Variants in WDR72 observed in about 807,000 individuals in gnomAD.
WDR72 encodes WD repeat domain 72, also known as WD repeat-containing protein 72.
In WDR72, 120 loss-of-function variants were observed where a neutral mutation model predicts 124.2. The ratio of observed to expected loss-of-function variants is 0.97; its 90% confidence interval spans 0.83 to 1.12. The LOEUF (loss-of-function observed/expected upper bound fraction) is 1.12. Among genes scored for constraint, WDR72 ranks in the 50% most tolerant of loss-of-function variants. The pLI is 0.00. For synonymous variants in WDR72, 452 were observed against 441.7 expected, an observed-to-expected ratio of 1.02 and a Z score of -0.29; for missense variants, 1,387 against 1,278.8, an observed-to-expected ratio of 1.08 and a Z score of -1.29.
At chr15:53,680,820 G>A (rs957302551) in intron 13 of WDR72, among the ~76,000 whole-genome samples, 1 of 152,172 alleles carries the variant, frequency 6.6e-6, no homozygotes, top group African/African-American at 2.4e-5. Flanking sequence ...CTCAGCATAT[G>A]GGTCTCAGTG....
Position 53,517,806 on chromosome 15 carries a change from A to AAAAG in WDR72, c.3254-56_3254-53dup, listed in dbSNP as rs773965730. The AAAAG allele has an allele frequency of 2.7e-5, 43 of 1,580,786 alleles. No homozygotes were observed. The South Asian group carries it at 3.9e-4, about 14-fold the overall frequency. ...TATATGGTGAAATCTAAAAAGAGAA[A>AAAAG]AAAGAGAAAGACCAAGAGGAGGGGA... On this transcript the variant is annotated intron_variant, in intron 19 of 19. Transcript: ENST00000360509.
rs1340078340 is a variant in WDR72 at position 53,585,517 on chromosome 15, G to A, written c.3148+11562C>T. Among the ~76,000 whole-genome samples, 3 of 152,056 alleles carry A rather than the reference G, an allele frequency of 2.0e-5. No homozygotes were observed. In the East Asian group the frequency reaches 5.8e-4, roughly 30 times the overall value. On this transcript the variant is annotated intron_variant, in intron 18 of 19. Transcript: ENST00000360509. ...TCAAACCATATAATTGCGCTATTGG[G>A]TACTCACTTTCCTGTGATGCCCCCA...
Position 53,757,296 on chromosome 15 carries a change from C to T in WDR72, c.-13+2337G>A, listed in dbSNP as rs180916776. Among the ~76,000 whole-genome samples the T allele has an allele frequency of 2.0e-3, 297 of 152,156 alleles. 1 individual carries two copies. The highest frequency in any genetic ancestry group is 6.9e-3 in the African/African-American group (286 of 41,544). On this transcript the variant is annotated intron_variant, in intron 1 of 19. Coordinates refer to ENST00000360509, the MANE Select transcript of WDR72 (RefSeq NM_182758.4). ...TAACCATACATATAGAAAAGGCCTC[C>T]AGAAAGGTACCTTTTATGATGTAGC...
intron 1 of WDR72, among the ~76,000 whole-genome samples, chr15:53,733,853 T>A (rs1485629339): frequency 2.0e-5 from 3 of 152,216 alleles, no homozygotes; most frequent in African/African-American, 7.2e-5. Context: ...CACTCAGTGA[T>A]GTGTGCATTA....
intron 18 of WDR72, among the ~76,000 whole-genome samples, chr15:53,581,213 G>C (rs944516647): frequency 3.9e-5 from 6 of 151,998 alleles, no homozygotes; most frequent in Non-Finnish European, 1.5e-5. Context: ...AATTCTGTAT[G>C]CAAGTGCTAT....
chr15:53,714,328 G>T, intron 6 of WDR72, 106 bp downstream of exon 6: 1 of 912,862 alleles, frequency 1.1e-6, no homozygotes, highest in Admixed American at 2.0e-5. Context: ...ACACTTCTAT[G>T]TTATTTGAAC....
At chr15:53,559,231 A>C (rs1245652400) in intron 18 of WDR72, among the ~76,000 whole-genome samples, 1 of 151,780 alleles carries the variant, frequency 6.6e-6, no homozygotes, top group East Asian at 1.9e-4. Flanking sequence ...GGTTTCTTTT[A>C]GCCATGGACT....
At chr15:53,717,081 C>T (rs982214001) in intron 3 of WDR72, among the ~76,000 whole-genome samples, 1 of 151,978 alleles carries the variant, frequency 6.6e-6, no homozygotes, top group African/African-American at 2.4e-5. Flanking sequence ...TCTTCTGAGG[C>T]CAATGTATCA....
At chr15:53,610,741 G>T (rs916616221) in intron 16 of WDR72, among the ~76,000 whole-genome samples, 1 of 151,934 alleles carries the variant, frequency 6.6e-6, no homozygotes, top group Non-Finnish European at 1.5e-5. Context: ...AATGTAAAAT[G>T]ACCAAGAACA....
At chr15:53,571,669 A>G (rs2140306201) in intron 18 of WDR72, among the ~76,000 whole-genome samples, 1 of 152,280 alleles carries the variant, frequency 6.6e-6, no homozygotes, top group African/African-American at 2.4e-5. Context: ...CAATGCTGCA[A>G]CAAACAGGGG....
chr15:53,715,059 A>G, intron 5 of WDR72, 134 bp downstream of exon 5: 2 of 980,396 alleles, frequency 2.0e-6, no homozygotes, highest in Non-Finnish European at 3.0e-6. Context: ...GGTGTATTAC[A>G]GACATATCCT....
At chr15:53,719,364 T>C (rs79265615) in intron 3 of WDR72, among the ~76,000 whole-genome samples, 2 of 152,188 alleles carry the variant, frequency 1.3e-5, no homozygotes, top group African/African-American at 4.8e-5. Context: ...CTTTCTTACA[T>C]CCTTATATTT....
chr15:53,733,281 TGGAAAA>T, intron 1 of WDR72, 120 bp from the exon 2 acceptor site: 1 of 1,079,224 alleles, frequency 9.3e-7, no homozygotes, highest in Admixed American at 2.0e-5. Flanking sequence ...CCCAGTGCTA[TGGAAAA>T]GGGTGTTTCC....
intron 18 of WDR72, among the ~76,000 whole-genome samples, chr15:53,572,320 C>T (rs562873175): frequency 6.6e-6 from 1 of 151,966 alleles, no homozygotes; most frequent in African/African-American, 2.4e-5. Flanking sequence ...GCAGCTTTCC[C>T]CCTGTTTTCT....
At chr15:53,524,283 G>A (rs996319404) in intron 18 of WDR72, among the ~76,000 whole-genome samples, 23 of 152,010 alleles carry the variant, frequency 1.5e-4, no homozygotes, top group South Asian at 6.2e-4. Context: ...CAATAAACAC[G>A]ACTACTGATT....
chr15:53,738,887 G>A (rs1428214748), intron 1 of WDR72, among the ~76,000 whole-genome samples: 2 of 152,176 alleles, frequency 1.3e-5, no homozygotes, highest in South Asian at 2.1e-4. Context: ...GATTACAGGC[G>A]TGAGCCACTG....
chr15:53,623,643 G>T (rs2014093419), intron 14 of WDR72, among the ~76,000 whole-genome samples: 1 of 151,934 alleles, frequency 6.6e-6, no homozygotes, highest in African/African-American at 2.4e-5. Flanking sequence ...CTTTTTGGTA[G>T]AACTTTATTT....
intron 18 of WDR72, among the ~76,000 whole-genome samples, chr15:53,554,083 C>A (rs1893837072): frequency 6.6e-6 from 1 of 151,974 alleles, no homozygotes; most frequent in African/African-American, 2.4e-5. Flanking sequence ...ACTTGGTATT[C>A]TTTTCAATAA....
At chr15:53,713,602 C>T (rs2140554323) in intron 6 of WDR72, among the ~76,000 whole-genome samples, 1 of 151,812 alleles carries the variant, frequency 6.6e-6, no homozygotes, top group East Asian at 1.9e-4. Flanking sequence ...AGGTGCACTC[C>T]ACCACTCCCT....
Sources: gnomAD v4.1 joint callset for allele counts (sites outside exome capture counted in the v4.1 genomes callset) on GRCh38, gnomAD v4.1.1 for gene constraint, MANE v1.5 for transcripts, NCBI Gene and HGNC (gene_info 2026-07-23, HGNC 2026-07-21) for gene names.